The following PPM1H variants were observed in gnomAD, a reference collection of about 807,000 sequenced individuals.
PPM1H encodes protein phosphatase 1H.
Under a neutral mutation model 54.9 loss-of-function variants are expected in PPM1H, and 27 were observed. The observed-to-expected ratio is 0.49, with a 90% CI of 0.36 to 0.68. The LOEUF is 0.68. Ranked by LOEUF, PPM1H falls within the 30% of genes least tolerant of loss-of-function variation. The pLI is 0.00. For missense variants in PPM1H, 596 were observed against 667.8 expected, an observed-to-expected ratio of 0.89 and a Z score of 1.19; for synonymous variants, 305 against 270.8, an observed-to-expected ratio of 1.13 and a Z score of -1.24.
At chr12:62,913,794 G>A (rs559940582) in intron 1 of PPM1H, among the ~76,000 whole-genome samples, 5 of 152,122 alleles carry the variant, frequency 3.3e-5, no homozygotes, top group Admixed American at 2.0e-4. Context: ...TCCGCCTCCC[G>A]GGTTCAAGCG....
intron 4 of PPM1H, among the ~76,000 whole-genome samples, chr12:62,770,108 A>G (rs1165665706): frequency 6.6e-6 from 1 of 151,898 alleles, no homozygotes; most frequent in Non-Finnish European, 1.5e-5. Flanking sequence ...TGGCTTAATA[A>G]ATTGGGGTCC....
intron 9 of PPM1H, among the ~76,000 whole-genome samples, chr12:62,653,156 GT>G (rs1358821187): frequency 6.6e-6 from 1 of 152,114 alleles, no homozygotes; most frequent in Non-Finnish European, 1.5e-5. Flanking sequence ...AAGTTTTTGT[GT>G]TTTTGTTGCT....
In PPM1H at chr12:62,689,711, A is replaced by G; in HGVS notation, c.1233T>C (p.Ser411=). Residue 411 remains serine (S), a synonymous_variant, in exon 8 of 10, where the codon TCT becomes TCC. Coordinates refer to ENST00000228705, the MANE Select transcript of PPM1H (RefSeq NM_020700.2). ...CCTCATGCGGTACCTCTGGAGCTGA[A>G]GACAGGAATGGTTTAATGTAGATGT... ...DSNIYIKPFL[S]SAPEVRIYDL... is the part of the protein sequence containing the mutation. 6.2e-7 allele frequency: 1 copy of G among 1,613,236 alleles called. No individual in the cohort carries two copies. Among genetic ancestry groups the G allele is most frequent in the Non-Finnish European group, 8.5e-7 (1 of 1,179,320 alleles).
At chr12:62,724,920 T>A (rs1295961666) in intron 5 of PPM1H, among the ~76,000 whole-genome samples, 1 of 152,234 alleles carries the variant, frequency 6.6e-6, no homozygotes, top group Non-Finnish European at 1.5e-5. Flanking sequence ...ACTGCTCTCA[T>A]CATTTTTCAA....
At chr12:62,667,558 C>T (rs534513965) in intron 8 of PPM1H, among the ~76,000 whole-genome samples, 34 of 152,190 alleles carry the variant, frequency 2.2e-4, no homozygotes, top group African/African-American at 5.8e-4. Context: ...TGAGCCTAAG[C>T]GGTGGGCTTA....
In PPM1H at chr12:62,719,694, T is replaced by C. The variant is rs548042123; in HGVS notation, c.1073+477A>G. Among the ~76,000 whole-genome samples the C allele has an allele frequency of 6.6e-5, 10 of 152,322 alleles. No homozygotes were observed. In the East Asian group the frequency reaches 1.5e-3, roughly 23 times the overall value. On this transcript the variant is annotated intron_variant, in intron 6 of 9. Transcript: ENST00000228705. ...TTAACTTTAGCCTTGATAATGAATCTTCAAAGGATATATCTTTTTATCACT... is the reference window on the plus strand; with the variant it reads ...TTAACTTTAGCCTTGATAATGAATCCTCAAAGGATATATCTTTTTATCACT...
At chr12:62,872,140 A>G (rs1188116850) in intron 1 of PPM1H, among the ~76,000 whole-genome samples, 1 of 152,228 alleles carries the variant, frequency 6.6e-6, no homozygotes, top group African/African-American at 2.4e-5. Flanking sequence ...AATTAGAAGA[A>G]GACAACTTCA....
chr12:62,767,900 G>T (rs2076553736), intron 4 of PPM1H, among the ~76,000 whole-genome samples: 2 of 151,990 alleles, frequency 1.3e-5, no homozygotes, highest in South Asian at 4.2e-4. Context: ...TTTTAACTGG[G>T]TCATCTTCCC....
At chr12:62,829,073 A>G (rs376735073) in intron 2 of PPM1H, among the ~76,000 whole-genome samples, 9 of 152,330 alleles carry the variant, frequency 5.9e-5, no homozygotes, top group Admixed American at 2.0e-4. Flanking sequence ...GAATTATCAC[A>G]TAATTCATCA....
chr12:62,906,857 G>A (rs1871317021), intron 1 of PPM1H, among the ~76,000 whole-genome samples: 1 of 152,216 alleles, frequency 6.6e-6, no homozygotes, highest in Non-Finnish European at 1.5e-5. Flanking sequence ...AATCAGACAT[G>A]TATAGCGTAA....
rs201526974 is a variant in PPM1H at position 62,817,461 on chromosome 12, C to CAAA, written c.411+14650_411+14652dup. 4.0e-3 allele frequency among the ~76,000 whole-genome samples: 534 copies of CAAA among 134,688 alleles called. 4 individuals are homozygous for CAAA. The highest frequency in any genetic ancestry group is 0.013 in the African/African-American group (495 of 37,380). 88.4% of individuals were successfully genotyped at this position (134,688 alleles called of 152,430 possible). On this transcript the variant is annotated intron_variant, in intron 2 of 9. Transcript: ENST00000228705. ...TGGACAACAGAGAGAGACCCTGTCTCAAAAAAAAACAAACAAACAAACAAA... is the reference window on the plus strand; with the variant it reads ...TGGACAACAGAGAGAGACCCTGTCTCAAAAAAAAAAAACAAACAAACAAACAAA...
chr12:62,844,812 C>T lies in PPM1H; in HGVS notation c.246-12533G>A, dbSNP rs668562. On this transcript the variant is annotated intron_variant, in intron 1 of 9. Transcript: ENST00000228705. The surrounding 1 kb of genome is among the most constrained non-coding windows in gnomAD (Gnocchi z 5.2). ...CATGGGAGAGAGACTAGAATAATGA[C>T]GGTGTTCTAAGCCTGCCTATATATT... 4.2e-4 allele frequency among the ~76,000 whole-genome samples: 64 copies of T among 152,252 alleles called. 1 individual carries two copies. Among genetic ancestry groups the T allele is most frequent in the South Asian group, 4.1e-3 (20 of 4,824 alleles).
intron 4 of PPM1H, among the ~76,000 whole-genome samples, chr12:62,758,746 C>G (rs1223401383): frequency 6.6e-6 from 1 of 152,190 alleles, no homozygotes; most frequent in African/African-American, 2.4e-5. Context: ...AATTTCTTTT[C>G]TCCATGAAAT....
At chr12:62,855,283 G>A (rs986560812) in intron 1 of PPM1H, among the ~76,000 whole-genome samples, 2 of 152,104 alleles carry the variant, frequency 1.3e-5, no homozygotes, top group Non-Finnish European at 2.9e-5. Context: ...ACTGCTCCAA[G>A]CGACACAGAC....
chr12:62,829,873 T>A (rs1172232222), intron 2 of PPM1H, among the ~76,000 whole-genome samples: 1 of 152,224 alleles, frequency 6.6e-6, no homozygotes, highest in Non-Finnish European at 1.5e-5. Context: ...TTTACAGAGA[T>A]CACTTTATAT....
At chr12:62,791,441 C>T (rs1592600830) in intron 3 of PPM1H, among the ~76,000 whole-genome samples, 1 of 146,662 alleles carries the variant, frequency 6.8e-6, no homozygotes, top group Non-Finnish European at 1.5e-5. Flanking sequence ...ACTTTTTTTG[C>T]ATTTAAAGAA....
intron 4 of PPM1H, among the ~76,000 whole-genome samples, chr12:62,774,752 G>A (rs1184153045): frequency 1.3e-5 from 2 of 152,160 alleles, no homozygotes; most frequent in Non-Finnish European, 1.5e-5. Context: ...CAGAGGCTCA[G>A]CAAACTGTTC....
chr12:62,879,599 C>G (rs1179034534), intron 1 of PPM1H, among the ~76,000 whole-genome samples: 1 of 152,030 alleles, frequency 6.6e-6, no homozygotes, highest in Non-Finnish European at 1.5e-5. Flanking sequence ...ACATCCCACA[C>G]TGGGGCCTGT....
chr12:62,817,152 T>TA (rs2076873724), intron 2 of PPM1H, among the ~76,000 whole-genome samples: 39 of 63,094 alleles, frequency 6.2e-4, no homozygotes, highest in Non-Finnish European at 8.7e-4. Flanking sequence ...AAAAAAAAAC[T>TA]AAAAAAAAGA....
Sources: gnomAD v4.1 joint callset for allele counts (sites outside exome capture counted in the v4.1 genomes callset) on GRCh38, gnomAD v4.1.1 for gene constraint, Gnocchi (gnomAD v3.1) non-coding constraint, MANE v1.5 for transcripts, NCBI Gene and HGNC (gene_info 2026-07-23, HGNC 2026-07-21) for gene names.